FRAS1: variants seen among roughly 807,000 people sequenced by gnomAD.
FRAS1 encodes the protein extracellular matrix organizing protein FRAS1.
FRAS1 carries 290 observed loss-of-function variants against 435.2 expected under a neutral mutation model. The observed-to-expected ratio is 0.67, with a 90% CI of 0.61 to 0.73. The LOEUF is 0.73. FRAS1 is among the 30% of genes least tolerant of loss of function. The pLI is 0.00. For synonymous variants in FRAS1, 1,800 were observed against 1,851.0 expected, an observed-to-expected ratio of 0.97 and a Z score of 0.71; for missense variants, 4,860 against 5,001.5, an observed-to-expected ratio of 0.97 and a Z score of 0.85.
At chr4:78,323,829 G>C (rs1191167152) in intron 18 of FRAS1, among the ~76,000 whole-genome samples, 1 of 152,054 alleles carries the variant, frequency 6.6e-6, no homozygotes, top group Non-Finnish European at 1.5e-5. Flanking sequence ...TTCTACTATG[G>C]TTGAAGGATT....
chr4:78,279,962 C>T (rs1459756874), intron 10 of FRAS1, among the ~76,000 whole-genome samples: 1 of 152,144 alleles, frequency 6.6e-6, no homozygotes, highest in African/African-American at 2.4e-5. Context: ...ACAGTTAATG[C>T]CTTTTCCATC....
intron 47 of FRAS1, among the ~76,000 whole-genome samples, chr4:78,458,685 C>T (rs187808563): frequency 1.3e-3 from 198 of 152,154 alleles, no homozygotes; most frequent in Middle Eastern, 6.8e-3. Context: ...TACATGTACC[C>T]CTGAATCTAA....
At chr4:78,355,171 A>T (rs1316227188) in intron 20 of FRAS1, among the ~76,000 whole-genome samples, 2 of 152,146 alleles carry the variant, frequency 1.3e-5, no homozygotes, top group Non-Finnish European at 2.9e-5. Context: ...CATTTATTTC[A>T]GCTGGAGCTA....
chr4:78,500,960 G>T (rs1720659028), intron 61 of FRAS1, among the ~76,000 whole-genome samples: 1 of 152,074 alleles, frequency 6.6e-6, no homozygotes, highest in Non-Finnish European at 1.5e-5. Context: ...TACAAAAAAA[G>T]AAGTGGGTCT....
At chr4:78,191,349 G>C (rs571240103) in intron 2 of FRAS1, among the ~76,000 whole-genome samples, 1 of 152,090 alleles carries the variant, frequency 6.6e-6, no homozygotes, top group South Asian at 2.1e-4. Flanking sequence ...TGTACCAATT[G>C]TTGGCCTTGT....
intron 13 of FRAS1, among the ~76,000 whole-genome samples, 152 bp downstream of exon 13, chr4:78,284,700 A>G (rs1456682957): frequency 6.6e-6 from 1 of 152,146 alleles, no homozygotes; most frequent in East Asian, 1.9e-4. Flanking sequence ...AAACCTCTAG[A>G]AGGTAGTAAT....
Position 78,372,736 on chromosome 4 carries a change from G to T in FRAS1, c.2888G>T (p.Ser963Ile). The T allele has an allele frequency of 6.2e-7, 1 of 1,612,820 alleles. No homozygotes were observed. ...TTTTTAGAGTGTGATTGGAGCTGCAGTGCATGCAGTGGGCCCCTGAAAACA... is the reference window on the plus strand; with the variant it reads ...TTTTTAGAGTGTGATTGGAGCTGCATTGCATGCAGTGGGCCCCTGAAAACA... ...NTCKECDWSC[S>I]ACSGPLKTDC... Residue 963 changes from serine to isoleucine, a missense_variant, in exon 24 of 74, where the codon AGT becomes ATT. Ser to Ile is a moderately radical substitution (Grantham distance 142). Transcript: ENST00000512123.
At chr4:78,258,334 T>G (rs1454528412) in intron 6 of FRAS1, among the ~76,000 whole-genome samples, 7 of 80,854 alleles carry the variant, frequency 8.7e-5, no homozygotes, top group Non-Finnish European at 2.0e-4. Context: ...GAGCAAGACC[T>G]GTATCAAAAA....
At chr4:78,241,531 G>T (rs977824541) in intron 3 of FRAS1, among the ~76,000 whole-genome samples, 3 of 152,138 alleles carry the variant, frequency 2.0e-5, no homozygotes, top group South Asian at 2.1e-4. Context: ...AATGGTAATA[G>T]CCCAGACTAG....
intron 20 of FRAS1, among the ~76,000 whole-genome samples, chr4:78,346,505 G>C (rs1026277777): frequency 6.6e-6 from 1 of 152,118 alleles, no homozygotes; most frequent in Admixed American, 6.5e-5. Context: ...TATGATCACT[G>C]TGTCATCAGC....
intron 2 of FRAS1, among the ~76,000 whole-genome samples, chr4:78,156,009 C>T (rs901862361): frequency 5.3e-5 from 8 of 152,178 alleles, no homozygotes; most frequent in African/African-American, 1.9e-4. Flanking sequence ...GTGGCATTCT[C>T]TCCTTTGTGC....
At chr4:78,319,248 A>G in intron 18 of FRAS1, 2 of 524,810 alleles carry the variant, frequency 3.8e-6, no homozygotes, top group Non-Finnish European at 7.1e-6. Flanking sequence ...TCCCAGACAG[A>G]AATTCTTTCA....
chr4:78,302,868 C>G (rs963448602), intron 14 of FRAS1, among the ~76,000 whole-genome samples: 3 of 152,144 alleles, frequency 2.0e-5, no homozygotes, highest in Admixed American at 6.5e-5. Context: ...TTAATTAGAT[C>G]CTATTTGTCA....
intron 17 of FRAS1, among the ~76,000 whole-genome samples, 183 bp from the exon 18 acceptor site, chr4:78,318,627 C>A (rs1268072085): frequency 2.6e-5 from 4 of 152,194 alleles, no homozygotes; most frequent in Non-Finnish European, 4.4e-5. Flanking sequence ...CTGGTTAACA[C>A]CACCCCTCAC....
At chr4:78,058,200 G>T (rs1248413347) in intron 1 of FRAS1, 115 bp downstream of exon 1, 6 of 922,206 alleles carry the variant, frequency 6.5e-6, no homozygotes, top group Non-Finnish European at 9.7e-6. Flanking sequence ...TCGGTGAGGT[G>T]GAAGTTTTTC....
intron 2 of FRAS1, among the ~76,000 whole-genome samples, chr4:78,141,078 G>A (rs904054017): frequency 6.6e-6 from 1 of 151,892 alleles, no homozygotes; most frequent in Non-Finnish European, 1.5e-5. Flanking sequence ...TAAATTCTGG[G>A]GTACATGTGC....
chr4:78,209,337 C>T (rs1438915195), intron 2 of FRAS1, among the ~76,000 whole-genome samples: 1 of 152,128 alleles, frequency 6.6e-6, no homozygotes, highest in Non-Finnish European at 1.5e-5. Flanking sequence ...CTGGTGGGCC[C>T]CTTCCCTTCT....
At chr4:78,445,445 T>C (rs1302963802) in intron 41 of FRAS1, 77 bp from the exon 42 acceptor site, 1 of 1,441,010 alleles carries the variant, frequency 6.9e-7, no homozygotes, top group Non-Finnish European at 9.2e-7. Context: ...CCGAAAATGA[T>C]ACCTTGTTTT....
chr4:78,512,109 T>A (rs1008789500), intron 64 of FRAS1, among the ~76,000 whole-genome samples: 1 of 152,178 alleles, frequency 6.6e-6, no homozygotes, highest in Non-Finnish European at 1.5e-5. Flanking sequence ...AATAATAACA[T>A]TGTAGAAATT....
Sources: gnomAD v4.1 joint callset for allele counts (sites outside exome capture counted in the v4.1 genomes callset) on GRCh38, gnomAD v4.1.1 for gene constraint, MANE v1.5 for transcripts, NCBI Gene and HGNC (gene_info 2026-07-23, HGNC 2026-07-21) for gene names.